Variants in PDE1C observed in about 807,000 individuals in gnomAD.
The protein encoded by PDE1C is phosphodiesterase 1C.
Under a neutral mutation model 93.1 loss-of-function variants are expected in PDE1C, and 62 were observed. The ratio of observed to expected loss-of-function variants is 0.67; its 90% CI spans 0.54 to 0.82. The LOEUF (loss-of-function observed/expected upper bound fraction) is 0.82. Ranked by LOEUF, PDE1C falls within the 40% of genes least tolerant of loss-of-function variation. PDE1C has a pLI of 0.00. For missense variants in PDE1C, 742 were observed against 884.6 expected, an observed-to-expected ratio of 0.84 and a Z score of 2.04; for synonymous variants, 325 against 310.1, an observed-to-expected ratio of 1.05 and a Z score of -0.50.
intron 1 of PDE1C, among the ~76,000 whole-genome samples, chr7:32,261,633 A>G (rs557403700): frequency 5.9e-5 from 9 of 152,312 alleles, no homozygotes; most frequent in African/African-American, 1.9e-4. Context: ...GTTCCCATCA[A>G]TGATGTATGA....
chr7:31,787,187 C>T (rs538144543), intron 16 of PDE1C: 6 of 152,214 alleles, frequency 3.9e-5, no homozygotes, highest in Admixed American at 1.3e-4. Context: ...GGCTTAAATT[C>T]TACAAATGAA....
intron 2 of PDE1C, among the ~76,000 whole-genome samples, chr7:31,947,364 G>T (rs1383824389): frequency 2.0e-5 from 3 of 152,182 alleles, no homozygotes; most frequent in African/African-American, 4.8e-5. Context: ...CCAAATGTCT[G>T]GGTACTCTAG....
the PDE1C span, chr7:31,695,318 T>C: frequency 1.8e-6 from 1 of 562,910 alleles, no homozygotes; most frequent in African/African-American, 1.9e-5. Context: ...ATAAAGTCCT[T>C]TGTGGAATAG....
chr7:31,623,717 T>G, the PDE1C span, among the ~76,000 whole-genome samples: 1 of 139,706 alleles, frequency 7.2e-6, no homozygotes, highest in South Asian at 2.8e-4. Flanking sequence ...AAAGGAAAAC[T>G]TTGAAACCTC....
chr7:32,339,626 AG>A (rs1197541818), intron 1 of PDE1C, among the ~76,000 whole-genome samples: 2 of 152,212 alleles, frequency 1.3e-5, no homozygotes, highest in African/African-American at 4.8e-5. Context: ...AGAGCACTGA[AG>A]CCTTTGTTAA....
chr7:32,207,050 A>G (rs971469077), intron 2 of PDE1C, among the ~76,000 whole-genome samples: 5 of 152,280 alleles, frequency 3.3e-5, no homozygotes, highest in Admixed American at 2.0e-4. Flanking sequence ...AACTGAAGTC[A>G]GGTTGATTGG....
intron 1 of PDE1C, among the ~76,000 whole-genome samples, chr7:32,251,999 A>G (rs954710951): frequency 3.3e-5 from 5 of 152,174 alleles, no homozygotes; most frequent in African/African-American, 1.2e-4. Flanking sequence ...ACAACCCTGA[A>G]TATCTCCAGG....
intron 16 of PDE1C, among the ~76,000 whole-genome samples, chr7:31,799,171 T>C (rs1785678138): frequency 6.6e-6 from 1 of 151,678 alleles, no homozygotes; most frequent in Non-Finnish European, 1.5e-5. Context: ...TCTCTGGAAA[T>C]GAACCTAAGA....
chr7:31,775,554 A>G (rs1795768537), intron 17 of PDE1C, 110 bp downstream of exon 17: 1 of 840,528 alleles, frequency 1.2e-6, no homozygotes, highest in Non-Finnish European at 1.9e-6. Context: ...ACGTGAGTAG[A>G]CTGGATAACT....
At chr7:31,726,791 G>C in the PDE1C span, among the ~76,000 whole-genome samples, 1 of 152,158 alleles carries the variant, frequency 6.6e-6, no homozygotes, top group African/African-American at 2.4e-5. Flanking sequence ...CCTACATTTT[G>C]GGAGGCTGAG....
At chr7:32,368,823 T>C (rs1784272026) in intron 1 of PDE1C, among the ~76,000 whole-genome samples, 2 of 151,924 alleles carry the variant, frequency 1.3e-5, no homozygotes, top group Non-Finnish European at 2.9e-5. Context: ...GAACAGAATA[T>C]AGAACCCAGA....
intron 1 of PDE1C, among the ~76,000 whole-genome samples, chr7:32,392,776 C>T (rs150262749): frequency 0.018 from 2,690 of 152,076 alleles, 44 homozygotes; most frequent in Non-Finnish European, 0.025. Context: ...TATGGCCGAG[C>T]GTGGTGGCTC....
At chr7:32,220,632 A>G (rs1035886638) in intron 1 of PDE1C, among the ~76,000 whole-genome samples, 2 of 151,944 alleles carry the variant, frequency 1.3e-5, no homozygotes, top group Non-Finnish European at 2.9e-5. Context: ...TGGCTAACAC[A>G]GTGAAACCCC....
intron 1 of PDE1C, among the ~76,000 whole-genome samples, chr7:32,387,444 G>A (rs1037181639): frequency 2.0e-4 from 30 of 151,696 alleles, no homozygotes; most frequent in African/African-American, 7.3e-4. Context: ...CTTCCCAGTA[G>A]GGGCGGCCGG....
rs1356207480 is a variant in PDE1C, at chr7:31,816,202, T to C, written c.1583-48A>G. The stretch of plus-strand genomic sequence containing the variant: ...AAGCCACAGAAAAGAGAAAAAGAGG[T>C]CATGCCGTTAGGAGAATGGCCTGTT... On this transcript the variant is annotated intron_variant, in intron 14 of 17. Transcript: ENST00000396191. 4 of 1,554,292 alleles carry C rather than the reference T, an allele frequency of 2.6e-6. No homozygotes were observed. The African/African-American group carries it at 4.1e-5, about 16-fold the overall frequency.
In PDE1C at chr7:32,403,414, T is replaced by A. The variant is rs76242657; in HGVS notation, c.310+24408A>T. Among the ~76,000 whole-genome samples the A allele has an allele frequency of 6.9e-3, 1,047 of 152,268 alleles. 15 individuals carry two copies. The highest frequency in any genetic ancestry group is 0.024 in the African/African-American group (1,004 of 41,548). On this transcript the variant is annotated intron_variant, in intron 1 of 1. Coordinates refer to the PDE1C transcript ENST00000672256. ...GACTGTGGCACTTAAATCCTCTGCT[T>A]CTCCACTTTTTCATATGATATAATC...
At chr7:32,031,724 G>A (rs865799962) in intron 2 of PDE1C, among the ~76,000 whole-genome samples, 20 of 152,258 alleles carry the variant, frequency 1.3e-4, no homozygotes, top group Middle Eastern at 6.8e-3. Context: ...CAACAGACTG[G>A]CAAGATGCAG....
chr7:31,706,104 A>C, the PDE1C span, among the ~76,000 whole-genome samples: 991 of 139,788 alleles, frequency 7.1e-3, 9 homozygotes, highest in African/African-American at 0.026. Context: ...TCCAGGATTC[A>C]AGGGATTCTT....
At chr7:31,908,474 C>T (rs1042670834) in intron 2 of PDE1C, among the ~76,000 whole-genome samples, 13 of 152,140 alleles carry the variant, frequency 8.5e-5, no homozygotes, top group Admixed American at 3.9e-4. Context: ...CAGGGCGCAT[C>T]CAGGTGTGCT....
Sources: gnomAD v4.1 joint callset for allele counts (sites outside exome capture counted in the v4.1 genomes callset) on GRCh38, gnomAD v4.1.1 for gene constraint, MANE v1.5 for transcripts, NCBI Gene and HGNC (gene_info 2026-07-23, HGNC 2026-07-21) for gene names.